Variants in PDE10A observed in about 807,000 individuals in gnomAD.
The protein encoded by PDE10A is cAMP and cAMP-inhibited cGMP 3',5'-cyclic phosphodiesterase 10A.
Under a neutral mutation model 97.7 loss-of-function variants are expected in PDE10A, and 39 were observed. The observed-to-expected ratio is 0.40, with a 90% CI of 0.31 to 0.52. PDE10A has a LOEUF of 0.52. PDE10A is among the 20% of genes least tolerant of loss of function. The pLI is 0.56. For missense variants in PDE10A, 731 were observed against 1,047.8 expected (o/e 0.70, Z 4.17); for synonymous variants, 371 against 376.8 (o/e 0.98, Z 0.18).
intron 1 of PDE10A, among the ~76,000 whole-genome samples, chr6:165,831,543 T>A (rs1164903733): frequency 1.4e-5 from 2 of 147,056 alleles, no homozygotes; most frequent in East Asian, 4.3e-4. Context: ...AGTGGCACGA[T>A]CTCGGCTCAC....
chr6:165,619,428 T>TGC (rs1787964412), intron 1 of PDE10A, among the ~76,000 whole-genome samples: 1 of 18,942 alleles, frequency 5.3e-5, no homozygotes, highest in Non-Finnish European at 9.8e-5. Flanking sequence ...TGTAGTGTAG[T>TGC]ATAGTGTAGT....
chr6:165,506,002 T>C (rs1261108781), intron 2 of PDE10A, among the ~76,000 whole-genome samples: 2 of 152,184 alleles, frequency 1.3e-5, no homozygotes, highest in Non-Finnish European at 2.9e-5. Context: ...TTTTCAATTT[T>C]ATTTTCTAAC....
chr6:165,469,697 A>G (rs1276714857), intron 3 of PDE10A, among the ~76,000 whole-genome samples: 2 of 152,132 alleles, frequency 1.3e-5, no homozygotes, highest in East Asian at 3.9e-4. Context: ...AGAAATTCTT[A>G]TTGGGCTCTT....
At chr6:165,934,692 A>T (rs1783264872) in intron 1 of PDE10A, among the ~76,000 whole-genome samples, 1 of 152,208 alleles carries the variant, frequency 6.6e-6, no homozygotes, top group East Asian at 1.9e-4. Context: ...AGTTCTTAGG[A>T]TGGCAAAATT....
At chr6:165,552,539 C>G (rs1008817968) in intron 1 of PDE10A, among the ~76,000 whole-genome samples, 5 of 152,140 alleles carry the variant, frequency 3.3e-5, no homozygotes. Flanking sequence ...TGACCAACCC[C>G]CAATAAGAAA....
intron 1 of PDE10A, among the ~76,000 whole-genome samples, chr6:165,778,264 G>A (rs917745990): frequency 1.3e-5 from 2 of 151,962 alleles, no homozygotes; most frequent in Non-Finnish European, 2.9e-5. Context: ...TAGAGACGGG[G>A]TTTCACCATG....
chr6:165,894,335 C>T (rs1321251397), intron 1 of PDE10A: 1 of 455,966 alleles, frequency 2.2e-6, no homozygotes, highest in Non-Finnish European at 4.4e-6. Context: ...AGCGCTAACG[C>T]AAAAAATGAC....
intron 1 of PDE10A, among the ~76,000 whole-genome samples, chr6:165,689,404 C>T (rs1791209899): frequency 6.6e-6 from 1 of 152,154 alleles, no homozygotes; most frequent in South Asian, 2.1e-4. Flanking sequence ...GTCCCTGATA[C>T]AGTTTGGATG....
chr6:165,849,509 C>T (rs1339692006), intron 1 of PDE10A, among the ~76,000 whole-genome samples: 1 of 152,278 alleles, frequency 6.6e-6, no homozygotes, highest in Non-Finnish European at 1.5e-5. Flanking sequence ...ATGTTCTCTT[C>T]TGTTCCTGAC....
intron 1 of PDE10A, among the ~76,000 whole-genome samples, chr6:165,798,266 G>C (rs1459396697): frequency 6.6e-6 from 1 of 152,136 alleles, no homozygotes; most frequent in Admixed American, 6.5e-5. Flanking sequence ...AATGAATACA[G>C]GTAAATTTTG....
intron 9 of PDE10A, among the ~76,000 whole-genome samples, chr6:165,429,482 A>G (rs1789402402): frequency 6.6e-6 from 1 of 152,122 alleles, no homozygotes. Flanking sequence ...AACATAAACT[A>G]GTAACTTCAA....
intron 1 of PDE10A, among the ~76,000 whole-genome samples, chr6:165,831,938 T>C (rs1254266320): frequency 1.3e-5 from 2 of 152,160 alleles, no homozygotes. Flanking sequence ...TGTCCTATTG[T>C]TTTGTTTTTG....
intron 1 of PDE10A, among the ~76,000 whole-genome samples, chr6:165,936,174 A>G (rs1023986081): frequency 1.3e-5 from 2 of 152,170 alleles, no homozygotes; most frequent in African/African-American, 4.8e-5. Flanking sequence ...TTCAGTTTTG[A>G]GCAGTCCTTG....
At chr6:165,853,809 T>C (rs1780638320) in intron 1 of PDE10A, among the ~76,000 whole-genome samples, 1 of 152,142 alleles carries the variant, frequency 6.6e-6, no homozygotes, top group East Asian at 1.9e-4. Flanking sequence ...AAAGTAAATT[T>C]CTGTGAATAG....
At chr6:165,892,942 A>G (rs1014183759) in intron 1 of PDE10A, among the ~76,000 whole-genome samples, 13 of 152,164 alleles carry the variant, frequency 8.5e-5, no homozygotes, top group Non-Finnish European at 1.3e-4. Context: ...TTTCTGACCC[A>G]TGCAAGCACT....
intron 1 of PDE10A, among the ~76,000 whole-genome samples, chr6:165,805,680 G>T (rs1029875134): frequency 2.0e-5 from 3 of 152,276 alleles, no homozygotes; most frequent in African/African-American, 7.2e-5. Flanking sequence ...GCTGAGTCAG[G>T]GACCCCTCTG....
rs75591600 is a variant in PDE10A, at chr6:165,733,083, C to T, written c.-614-189515G>A. ...GGAGCCTGCATTCTTCCAGAAACGG[C>T]GTGTGTTTACATACCCAATGCATTT... On this transcript the variant is annotated intron_variant, in intron 1 of 19. Coordinates refer to the PDE10A transcript ENST00000366882. Among the ~76,000 whole-genome samples the T allele has an allele frequency of 2.2e-3, 342 of 152,260 alleles. 2 individuals are homozygous for T. Among genetic ancestry groups the T allele is most frequent in the African/African-American group, 7.9e-3 (330 of 41,540 alleles).
intron 1 of PDE10A, among the ~76,000 whole-genome samples, chr6:165,689,764 C>T (rs1791220946): frequency 6.6e-6 from 1 of 152,138 alleles, no homozygotes; most frequent in African/African-American, 2.4e-5. Flanking sequence ...CTTACCCAGT[C>T]GTGGGTATTC....
chr6:165,600,502 T>C (rs1432545940), intron 1 of PDE10A, among the ~76,000 whole-genome samples: 4 of 152,208 alleles, frequency 2.6e-5, no homozygotes, highest in African/African-American at 7.2e-5. Context: ...CACATGTAAA[T>C]GTTCTGACGT....
Sources: allele counts gnomAD v4.1 joint callset (sites outside exome capture counted in the v4.1 genomes callset), GRCh38; gene constraint gnomAD v4.1.1; transcripts MANE v1.5; gene names NCBI Gene and HGNC (gene_info 2026-07-23, HGNC 2026-07-21).